Variants in PHF2 observed in about 807,000 individuals in gnomAD.
PHF2 encodes lysine-specific demethylase PHF2.
Under a neutral mutation model 120.5 loss-of-function variants are expected in PHF2, and 27 were observed. That is an observed-to-expected ratio of 0.22 (90% CI 0.17 to 0.31). The LOEUF (loss-of-function observed/expected upper bound fraction) is 0.31, where lower values mean the gene tolerates loss of function less well. PHF2 is among the 10% of genes least tolerant of loss of function. The pLI, the probability that PHF2 is intolerant of heterozygous loss-of-function variation, is 1.00. For missense variants in PHF2, 1,024 were observed against 1,434.8 expected (o/e 0.71, Z 4.63); for synonymous variants, 568 against 592.5 (o/e 0.96, Z 0.60).
At chr9:93,675,911 T>C in intron 20 of PHF2, 122 bp downstream of exon 20, 1 of 685,628 alleles carries the variant, frequency 1.5e-6, no homozygotes, top group Non-Finnish European at 2.5e-6. Context: ...CCAGGGGTGG[T>C]CACAGGCTTG....
intron 1 of PHF2, among the ~76,000 whole-genome samples, chr9:93,582,421 G>A (rs1270428896): frequency 6.6e-6 from 1 of 152,190 alleles, no homozygotes; most frequent in Non-Finnish European, 1.5e-5. Flanking sequence ...GACTGCAGCA[G>A]CTCCCTCCTG....
chr9:93,666,169 G>T, intron 16 of PHF2, 109 bp downstream of exon 16: 1 of 1,137,606 alleles, frequency 8.8e-7, no homozygotes, highest in East Asian at 2.5e-5. Flanking sequence ...TTCTGCATGA[G>T]ATGGCAAAGG....
intron 3 of PHF2, among the ~76,000 whole-genome samples, chr9:93,640,417 G>T (rs1317125657): frequency 6.6e-6 from 1 of 151,788 alleles, no homozygotes; most frequent in African/African-American, 2.4e-5. Flanking sequence ...TGGATTTCAG[G>T]TTGGAAGTTT....
chr9:93,673,963 G>T (rs1826858600), intron 18 of PHF2, 101 bp downstream of exon 18: 5 of 1,304,096 alleles, frequency 3.8e-6, no homozygotes, highest in Non-Finnish European at 5.2e-6. Flanking sequence ...CCAAGTTACA[G>T]CAGGCCTCAG....
At position 93,658,104 on chromosome 9, in the gene PHF2, C is replaced by G. The variant is rs41276188; in HGVS notation, c.1148-41C>G. The G allele has an allele frequency of 1.2e-3, 1,691 of 1,416,054 alleles. 1 individual carries two copies. The highest frequency in any genetic ancestry group is 1.6e-3 in the Non-Finnish European group (1,634 of 1,009,618). 87.7% of individuals were successfully genotyped at this position (1,416,054 alleles called of 1,614,324 possible). ...GGCTGGGCATGAAGGCACCTGTGGG[C>G]AGCAGGCACCCACCCACCTCACCCA... On this transcript the variant is annotated intron_variant, in intron 9 of 21. Coordinates refer to ENST00000359246, the MANE Select transcript of PHF2 (RefSeq NM_005392.4).
chr9:93,601,886 T>C (rs1306650135), intron 1 of PHF2, among the ~76,000 whole-genome samples: 1 of 148,396 alleles, frequency 6.7e-6, no homozygotes, highest in African/African-American at 2.5e-5. Flanking sequence ...GCCCTGTGAG[T>C]GTGCAGGTTT....
rs536125644 is a variant in PHF2 at position 93,592,433 on chromosome 9, G to T, written c.98+15562G>T. 2.6e-5 allele frequency among the ~76,000 whole-genome samples: 4 copies of T among 152,290 alleles called. No individual in the cohort carries two copies. The East Asian group carries it at 7.7e-4, about 29-fold the overall frequency. On this transcript the variant is annotated intron_variant, in intron 1 of 21. Coordinates refer to ENST00000359246, the MANE Select transcript of PHF2 (RefSeq NM_005392.4). ...CTTTGCCTAGTGATTTAAGCCATAG[G>T]TTCTTGGTGAAGTTCCCCTAGCAAC...
chr9:93,612,270 C>G (rs772891236), intron 1 of PHF2, among the ~76,000 whole-genome samples: 1 of 152,162 alleles, frequency 6.6e-6, no homozygotes, highest in Non-Finnish European at 1.5e-5. Context: ...GGACATGTAA[C>G]AGGTGTCTGT....
chr9:93,634,306 T>C (rs1353241763), intron 2 of PHF2, among the ~76,000 whole-genome samples: 1 of 152,112 alleles, frequency 6.6e-6, no homozygotes, highest in Non-Finnish European at 1.5e-5. Context: ...CTTAGGATTG[T>C]TGGGGGGTCA....
Position 93,652,157 on chromosome 9 carries a change from G to A in PHF2, c.603-1022G>A, listed in dbSNP as rs535598834. ...TTGTCTAGGTTGCTGTGGCCTTCGA[G>A]TAGAGACAACAGCACTTGCAGATGG... On this transcript the variant is annotated intron_variant, in intron 5 of 21. Coordinates refer to ENST00000359246, the MANE Select transcript of PHF2 (RefSeq NM_005392.4). 2.0e-5 allele frequency among the ~76,000 whole-genome samples: 3 copies of A among 152,282 alleles called. No homozygotes were observed. In the East Asian group the frequency reaches 5.8e-4, roughly 29 times the overall value.
intron 17 of PHF2, among the ~76,000 whole-genome samples, chr9:93,668,348 G>A (rs992871431): frequency 1.5e-4 from 23 of 152,116 alleles, no homozygotes; most frequent in Admixed American, 7.2e-4. Context: ...CCTCCCTGTC[G>A]GAGGCTGTGG....
At chr9:93,676,121 G>T (rs531790650) in intron 20 of PHF2, among the ~76,000 whole-genome samples, 1 of 152,196 alleles carries the variant, frequency 6.6e-6, no homozygotes, top group Non-Finnish European at 1.5e-5. Context: ...TTTTTGAGTT[G>T]TCCTCAGTTG....
At chr9:93,619,020 C>CAGCT (rs1180898665) in intron 1 of PHF2, among the ~76,000 whole-genome samples, 1 of 136,382 alleles carries the variant, frequency 7.3e-6, no homozygotes, top group East Asian at 2.2e-4. Flanking sequence ...TGCTCACAGG[C>CAGCT]AGCTGCCTGT....
intron 1 of PHF2, among the ~76,000 whole-genome samples, chr9:93,609,186 T>C (rs1825594365): frequency 6.6e-6 from 1 of 151,672 alleles, no homozygotes; most frequent in African/African-American, 2.4e-5. Flanking sequence ...AGAAATAGTA[T>C]TCCTAATTGT....
At chr9:93,651,724 C>T (rs1431118222) in intron 5 of PHF2, among the ~76,000 whole-genome samples, 5 of 152,164 alleles carry the variant, frequency 3.3e-5, no homozygotes, top group African/African-American at 4.8e-5. Flanking sequence ...GGTGGCCTTG[C>T]GTGTCCATGG....
chr9:93,611,030 T>G (rs1825624533), intron 1 of PHF2, among the ~76,000 whole-genome samples: 2 of 152,248 alleles, frequency 1.3e-5, no homozygotes, highest in African/African-American at 4.8e-5. Flanking sequence ...CTCAAGTTCT[T>G]GCCTGCTTCT....
chr9:93,606,998 G>T (rs1369519990), intron 1 of PHF2, among the ~76,000 whole-genome samples: 11 of 152,084 alleles, frequency 7.2e-5, no homozygotes, highest in African/African-American at 2.7e-4. Flanking sequence ...TTCTAAGATT[G>T]GTTGACTGTA....
Position 93,656,156 on chromosome 9 carries a change from C to T in PHF2, c.1040+135C>T, listed in dbSNP as rs1564396817. The T allele has an allele frequency of 5.8e-6, 4 of 690,678 alleles. No homozygotes were observed. The highest frequency in any genetic ancestry group is 2.3e-5 in the Admixed American group (1 of 43,284). 42.8% of individuals were successfully genotyped at this position (690,678 alleles called of 1,614,324 possible). ...GTGGCCTGGACATGACCGTCAGCCTCGGTGGGCCTCTTTGTGATGTGGAGG... is the reference window on the plus strand; with the variant it reads ...GTGGCCTGGACATGACCGTCAGCCTTGGTGGGCCTCTTTGTGATGTGGAGG... On this transcript the variant is annotated intron_variant, in intron 8 of 21. Coordinates refer to ENST00000359246, the MANE Select transcript of PHF2 (RefSeq NM_005392.4). This position sits in a 1 kb window ranked among gnomAD's most constrained non-coding sequence, Gnocchi z 4.1.
intron 1 of PHF2, among the ~76,000 whole-genome samples, chr9:93,607,483 A>C: frequency 8.2e-6 from 1 of 121,738 alleles, no homozygotes; most frequent in Non-Finnish European, 1.6e-5. Context: ...GGGTTTCACC[A>C]TGTTGCCCAG....
Sources: allele counts gnomAD v4.1 joint callset (sites outside exome capture counted in the v4.1 genomes callset), GRCh38; gene constraint gnomAD v4.1.1; non-coding constraint Gnocchi (gnomAD v3.1); transcripts MANE v1.5; gene names NCBI Gene and HGNC (gene_info 2026-07-23, HGNC 2026-07-21).